Variants in GRXCR2 observed in about 807,000 individuals in gnomAD.
The protein encoded by GRXCR2 is glutaredoxin domain-containing cysteine-rich protein 2.
A neutral mutation model predicts 24.8 loss-of-function variants in GRXCR2; 23 were observed. That is an observed-to-expected ratio of 0.93 (90% CI 0.67 to 1.32). The LOEUF (loss-of-function observed/expected upper bound fraction) is 1.32, where lower values mean the gene tolerates loss of function less well. Ranked by LOEUF, GRXCR2 falls within the 40% of genes most tolerant of loss-of-function variation. The pLI is 0.00. For synonymous variants in GRXCR2, 130 were observed against 116.1 expected, an observed-to-expected ratio of 1.12 and a Z score of -0.77; for missense variants, 315 against 303.4, an observed-to-expected ratio of 1.04 and a Z score of -0.28.
chr5:145,858,229 G>A (rs914742316), downstream of GRXCR2, among the ~76,000 whole-genome samples: 2 of 151,060 alleles, frequency 1.3e-5, no homozygotes, highest in Non-Finnish European at 2.9e-5. Flanking sequence ...CAGGAGAATC[G>A]CTGGAAGCCG....
intron 2 of GRXCR2, among the ~76,000 whole-genome samples, chr5:145,883,495 C>A (rs1756733568): frequency 6.6e-6 from 1 of 152,052 alleles, no homozygotes; most frequent in Non-Finnish European, 1.5e-5. Context: ...TTTTGGGTGC[C>A]ATTTTAATGC....
chr5:145,882,781 A>G (rs1293664791), intron 2 of GRXCR2, among the ~76,000 whole-genome samples: 1 of 152,188 alleles, frequency 6.6e-6, no homozygotes, highest in African/African-American at 2.4e-5. Context: ...CCAAATGTCC[A>G]TCAGTGATAG....
chr5:145,885,263 G>A (rs1483031071), intron 2 of GRXCR2, among the ~76,000 whole-genome samples: 1 of 152,064 alleles, frequency 6.6e-6, no homozygotes, highest in Non-Finnish European at 1.5e-5. Context: ...AAAATATGAA[G>A]AACAAAATCT....
Position 145,859,829 on chromosome 5 carries a change from C to T in GRXCR2, c.651G>A (p.Ser217=), listed in dbSNP as rs759001784. 34 of 1,613,632 alleles carry T rather than the reference C, an allele frequency of 2.1e-5. No individual in the cohort carries two copies. Among genetic ancestry groups the T allele is most frequent in the Non-Finnish European group, 2.6e-5 (31 of 1,179,794 alleles). ...ACTCCTTAAATCTGTTGGCCAGCAT[C>T]GAGAACTTGCTGCCGTGGCACAGAG... The part of the protein sequence containing the change: ...TCSLCHGSKF[S]MLANRFKESY... Residue 217 remains serine, a synonymous_variant, in exon 3 of 3, where the codon TCG becomes TCA. Transcript: ENST00000377976.
chr5:145,878,023 C>G (rs566374669), intron 2 of GRXCR2, among the ~76,000 whole-genome samples: 1 of 152,280 alleles, frequency 6.6e-6, no homozygotes, highest in Admixed American at 6.5e-5. Flanking sequence ...GACATCTACA[C>G]CAAAACCCCA....
At chr5:145,930,163 C>T (rs2149931527) in intron 2 of GRXCR2, among the ~76,000 whole-genome samples, 1 of 152,240 alleles carries the variant, frequency 6.6e-6, no homozygotes, top group South Asian at 2.1e-4. Flanking sequence ...CAGCTCACTG[C>T]AGCCTCTGCC....
At chr5:145,902,418 T>C (rs752564870) in intron 2 of GRXCR2, among the ~76,000 whole-genome samples, 4 of 152,150 alleles carry the variant, frequency 2.6e-5, no homozygotes, top group Non-Finnish European at 4.4e-5. Context: ...TAGTTCTTTA[T>C]AAACTAACAT....
At chr5:145,909,276 C>T (rs939670230) in intron 2 of GRXCR2, among the ~76,000 whole-genome samples, 2 of 148,824 alleles carry the variant, frequency 1.3e-5, no homozygotes, top group Non-Finnish European at 3.0e-5. Flanking sequence ...AATAACTTGT[C>T]CCAAGCACTT....
chr5:145,885,418 C>T (rs1756766113), intron 2 of GRXCR2, among the ~76,000 whole-genome samples: 1 of 152,018 alleles, frequency 6.6e-6, no homozygotes. Context: ...CATTGTGGTC[C>T]TGGGTGTCAT....
At chr5:145,866,025 A>G (rs867755229) in intron 2 of GRXCR2, among the ~76,000 whole-genome samples, 2 of 151,664 alleles carry the variant, frequency 1.3e-5, no homozygotes, top group Non-Finnish European at 1.5e-5. Flanking sequence ...AATCCCAGCT[A>G]CTCAGGAGGC....
chr5:145,899,659 G>A (rs970141404), intron 2 of GRXCR2, among the ~76,000 whole-genome samples: 2 of 152,082 alleles, frequency 1.3e-5, no homozygotes, highest in African/African-American at 4.8e-5. Flanking sequence ...TAAGCAACAT[G>A]AAAAAGACTC....
chr5:145,874,273 G>C (rs34710811), upstream of GRXCR2, among the ~76,000 whole-genome samples: 2 of 150,318 alleles, frequency 1.3e-5, no homozygotes, highest in African/African-American at 4.9e-5. Flanking sequence ...GTACGATCTC[G>C]GCTCACTGCA....
chr5:145,892,751 G>A (rs2149919664), intron 2 of GRXCR2, among the ~76,000 whole-genome samples: 1 of 152,258 alleles, frequency 6.6e-6, no homozygotes, highest in Non-Finnish European at 1.5e-5. Flanking sequence ...AGCAAGGCAG[G>A]CCAACATTCA....
intron 2 of GRXCR2, among the ~76,000 whole-genome samples, chr5:145,886,295 G>T (rs1345281384): frequency 6.6e-6 from 1 of 152,180 alleles, no homozygotes; most frequent in East Asian, 1.9e-4. Flanking sequence ...AGATAGGCCA[G>T]TTTCCTTGTA....
rs1255668396 is a variant in GRXCR2 at position 145,858,550 on chromosome 5, A to G, written c.*1183T>C. The G allele has an allele frequency of 6.6e-6, 1 of 152,206 alleles. No homozygotes were observed. Among genetic ancestry groups the G allele is most frequent in the East Asian group, 1.9e-4 (1 of 5,202 alleles). 9.4% of individuals were successfully genotyped at this position (152,206 alleles called of 1,614,324 possible). ...TTAGTCTTTTTTATTAGAATTATTT[A>G]TATTGCCTGAAAAGCATTCCATTGT... is the stretch of plus-strand genomic sequence containing the variant. On this transcript the variant is annotated 3_prime_UTR_variant, in exon 3 of 3. Transcript: ENST00000377976.
rs539860660 is a variant in GRXCR2, at chr5:145,927,957, A to G, written c.-70+7744T>C. ...CAGCAAAAGAAACTACCATCAGAGT[A>G]AACAGGCAACCTACAGAATGGGAGA... is the stretch of plus-strand genomic sequence containing the variant. On this transcript the variant is annotated intron_variant, in intron 2 of 3. Coordinates refer to the GRXCR2 transcript ENST00000639411. Among the ~76,000 whole-genome samples the G allele has an allele frequency of 4.1e-3, 623 of 151,964 alleles. 3 individuals carry two copies. Among genetic ancestry groups the G allele is most frequent in the African/African-American group, 0.014 (572 of 41,436 alleles).
chr5:145,870,364 A>C (rs1434561565), intron 1 of GRXCR2, among the ~76,000 whole-genome samples: 2 of 152,120 alleles, frequency 1.3e-5, no homozygotes, highest in Non-Finnish European at 1.5e-5. Context: ...TATTTCATTT[A>C]GTATAACGTC....
intron 2 of GRXCR2, among the ~76,000 whole-genome samples, chr5:145,914,668 T>C (rs1581353415): frequency 2.4e-5 from 2 of 82,946 alleles, no homozygotes; most frequent in South Asian, 5.4e-4. Flanking sequence ...CGAACAAGAC[T>C]CCATCTCAAA....
intron 2 of GRXCR2, among the ~76,000 whole-genome samples, chr5:145,895,587 C>G (rs1231610188): frequency 6.6e-6 from 1 of 152,092 alleles, no homozygotes; most frequent in Admixed American, 6.5e-5. Context: ...ATGTGAAGGA[C>G]CTCTTCAAGG....
Sources: gnomAD v4.1 joint callset for allele counts (sites outside exome capture counted in the v4.1 genomes callset) on GRCh38, gnomAD v4.1.1 for gene constraint, MANE v1.5 for transcripts, NCBI Gene and HGNC (gene_info 2026-07-23, HGNC 2026-07-21) for gene names.